TRAPPC6A: variants seen among roughly 807,000 people sequenced by gnomAD.
TRAPPC6A encodes the protein TRAPP complex subunit 6A.
TRAPPC6A carries 25 observed loss-of-function variants against 20.8 expected under a neutral mutation model. That is an observed-to-expected ratio of 1.20 (90% CI 0.88 to 1.68). The LOEUF (loss-of-function observed/expected upper bound fraction) is 1.68. Ranked by LOEUF, TRAPPC6A falls within the 40% of genes most tolerant of loss-of-function variation. The pLI is 0.00. For missense variants in TRAPPC6A, 215 were observed against 211.6 expected, an observed-to-expected ratio of 1.02 and a Z score of -0.10; for synonymous variants, 96 against 93.3, an observed-to-expected ratio of 1.03 and a Z score of -0.16.
chr19:45,163,859 C>A lies in TRAPPC6A; in HGVS notation c.448+57G>T. On this transcript the variant is annotated intron_variant, in intron 5 of 5. Coordinates refer to ENST00000585934, the MANE Select transcript of TRAPPC6A (RefSeq NM_001270891.2). The surrounding 1 kb of genome is among the most constrained non-coding windows in gnomAD (Gnocchi z 5.3). ...CACACACAGGAGTGGGGCTGGAACT[C>A]TGAAGCCCCCAGCAACTCAAGGGAT... 10 of 1,461,868 alleles carry A rather than the reference C, an allele frequency of 6.8e-6. No homozygotes were observed. Among genetic ancestry groups the A allele is most frequent in the Non-Finnish European group, 8.4e-6 (9 of 1,068,510 alleles). The allele number at this position is 1,461,868 out of a possible 1,614,324, so 90.6% of individuals were successfully genotyped here. A position where few individuals can be genotyped will look rare whatever the true frequency, so the allele number is the denominator to read the frequency against.
At chr19:45,165,851 G>A (rs979388452) in intron 1 of TRAPPC6A, among the ~76,000 whole-genome samples, 1 of 152,128 alleles carries the variant, frequency 6.6e-6, no homozygotes, top group Non-Finnish European at 1.5e-5. Context: ...GGCTGCACTC[G>A]GTGTCTGTCC....
rs1468726776 is a variant in TRAPPC6A, at chr19:45,172,323, G to A, written c.84+5812C>T. ...GCCTGAGTTCTAATTTTGCCTTTAA[G>A]AGAACATTCTGCCCTGAACTGGGAG... On this transcript the variant is annotated intron_variant, in intron 1 of 5. Transcript: ENST00000585934. This position sits in a 1 kb window ranked among gnomAD's most constrained non-coding sequence, Gnocchi z 4.2. Among the ~76,000 whole-genome samples the A allele has an allele frequency of 6.6e-6, 1 of 151,648 alleles. No individual in the cohort carries two copies. Among genetic ancestry groups the A allele is most frequent in the African/African-American group, 2.4e-5 (1 of 40,926 alleles).
At chr19:45,164,639 G>C (rs918044345) in intron 3 of TRAPPC6A, 6 of 602,694 alleles carry the variant, frequency 1.0e-5, no homozygotes, top group Non-Finnish European at 1.8e-5. Context: ...GCTCACTCCT[G>C]GTAGGCTGGA....
intron 1 of TRAPPC6A, among the ~76,000 whole-genome samples, chr19:45,174,980 T>A (rs80329953): frequency 7.6e-6 from 1 of 132,022 alleles, no homozygotes; most frequent in Admixed American, 7.5e-5. Flanking sequence ...AAAAAAAAAT[T>A]GCCAGGCGCG....
chr19:45,165,037 C>T (rs910881557), intron 2 of TRAPPC6A, 67 bp from the exon 3 acceptor site: 3 of 1,609,200 alleles, frequency 1.9e-6, no homozygotes, highest in Non-Finnish European at 2.6e-6. Context: ...ACAGGCCCGA[C>T]TCCTGCATGG....
At position 45,164,347 on chromosome 19, in the gene TRAPPC6A, G is replaced by A. The variant is rs1969094866; in HGVS notation, c.271-100C>T. Reference sequence around the variant, plus strand: ...CAGGTCTTAGATTGGGCTGAGGTTGGGAAGGCCCCCTTCCTGAGAACCACT... The same window carrying A: ...CAGGTCTTAGATTGGGCTGAGGTTGAGAAGGCCCCCTTCCTGAGAACCACT... On this transcript the variant is annotated intron_variant, in intron 3 of 5. Coordinates refer to ENST00000585934, the MANE Select transcript of TRAPPC6A (RefSeq NM_001270891.2). The A allele has an allele frequency of 9.0e-6, 7 of 780,088 alleles. 1 individual carries two copies. The South Asian group carries it at 1.3e-4, about 14-fold the overall frequency. 48.3% of individuals were successfully genotyped at this position (780,088 alleles called of 1,614,324 possible).
chr19:45,171,563 T>C (rs1396639870), intron 1 of TRAPPC6A, among the ~76,000 whole-genome samples: 1 of 151,934 alleles, frequency 6.6e-6, no homozygotes, highest in Non-Finnish European at 1.5e-5. Flanking sequence ...AATGAACAAA[T>C]ATGGTGGCCA....
At chr19:45,165,257 G>C (rs983058338) in intron 1 of TRAPPC6A, 63 bp from the exon 2 acceptor site, 5 of 1,501,164 alleles carry the variant, frequency 3.3e-6, no homozygotes, top group Admixed American at 2.0e-5. Flanking sequence ...GGCCACCCAG[G>C]GGGGGACCTG....
intron 1 of TRAPPC6A, among the ~76,000 whole-genome samples, chr19:45,176,829 C>T (rs1170695583): frequency 9.6e-5 from 14 of 145,790 alleles, no homozygotes; most frequent in African/African-American, 2.8e-4. Flanking sequence ...GTCAGGAGTT[C>T]GACACCAGCC....
In TRAPPC6A at chr19:45,163,328, G is replaced by T; in HGVS notation, c.449-105C>A. Reference sequence around the variant, plus strand: ...CCCCGTCCTGCACTGACACCCCAGTGGCTAGGTTGGGCTGTTTCCTCCCGC... The same window carrying T: ...CCCCGTCCTGCACTGACACCCCAGTTGCTAGGTTGGGCTGTTTCCTCCCGC... On this transcript the variant is annotated intron_variant, in intron 5 of 5. Transcript: ENST00000585934. This position sits in a 1 kb window ranked among gnomAD's most constrained non-coding sequence, Gnocchi z 5.3. The T allele has an allele frequency of 7.9e-7, 1 of 1,264,646 alleles. No individual in the cohort carries two copies. The highest frequency in any genetic ancestry group is 1.1e-6 in the Non-Finnish European group (1 of 886,152). 78.3% of individuals were successfully genotyped at this position (1,264,646 alleles called of 1,614,324 possible).
At position 45,163,353 on chromosome 19, in the gene TRAPPC6A, C is replaced by T; in HGVS notation, c.449-130G>A. On this transcript the variant is annotated intron_variant, in intron 5 of 5. Transcript: ENST00000585934. The surrounding 1 kb of genome is among the most constrained non-coding windows in gnomAD (Gnocchi z 5.3). Reference sequence around the variant, plus strand: ...GGCTAGGTTGGGCTGTTTCCTCCCGCCCACGGGGCCGCATCCCTGAGCTGT... The same window carrying T: ...GGCTAGGTTGGGCTGTTTCCTCCCGTCCACGGGGCCGCATCCCTGAGCTGT... The T allele has an allele frequency of 1.0e-6, 1 of 971,224 alleles. No homozygotes were observed. The highest frequency in any genetic ancestry group is 1.6e-6 in the Non-Finnish European group (1 of 636,440). 60.2% of individuals were successfully genotyped at this position (971,224 alleles called of 1,614,324 possible).
In TRAPPC6A at chr19:45,163,196, G is replaced by A; in HGVS notation, c.476C>T (p.Ser159Phe). The A allele has an allele frequency of 6.2e-7, 1 of 1,613,982 alleles. No individual in the cohort carries two copies. ...CTCAGCAGGTGCGAGGCAGGCTTAG[G>A]ATTTCGGAATCACCACCTGGAACTT... The part of the protein sequence containing the change: ...VCKFQVVIPK[S>F] Residue 159 changes from serine to phenylalanine, a missense_variant, in exon 6 of 6, where the codon TCC becomes TTC. By Grantham distance (155) the Ser-to-Phe change is radical (BLOSUM62 -2). Transcript: ENST00000585934. This position sits in a 1 kb window ranked among gnomAD's most constrained non-coding sequence, Gnocchi z 5.3.
At position 45,172,077 on chromosome 19, in the gene TRAPPC6A, C is replaced by T. The variant is rs1031313899; in HGVS notation, c.84+6058G>A. On this transcript the variant is annotated intron_variant, in intron 1 of 5. Transcript: ENST00000585934. The surrounding 1 kb of genome is among the most constrained non-coding windows in gnomAD (Gnocchi z 4.2). ...CAAAGGCCTTCCTGGCCCCTCTGGC[C>T]GGTCCTCCAGTTCACAACCTGTGAC... Among the ~76,000 whole-genome samples, 2 of 151,868 alleles carry T rather than the reference C, an allele frequency of 1.3e-5. No homozygotes were observed. Among genetic ancestry groups the T allele is most frequent in the Non-Finnish European group, 2.9e-5 (2 of 67,940 alleles).
chr19:45,166,369 C>T (rs962180875), intron 1 of TRAPPC6A, among the ~76,000 whole-genome samples: 1 of 151,544 alleles, frequency 6.6e-6, no homozygotes. Context: ...CCACCACACC[C>T]GGCTAATTTT....
intron 1 of TRAPPC6A, among the ~76,000 whole-genome samples, chr19:45,177,365 A>T (rs1969410271): frequency 6.6e-6 from 1 of 151,654 alleles, no homozygotes. Context: ...TTCCTGAGAC[A>T]AGTCTCGCTC....
Position 45,164,171 on chromosome 19 carries a change from G to C in TRAPPC6A, c.347C>G (p.Ala116Gly). 6.2e-7 allele frequency: 1 copy of C among 1,607,256 alleles called. No individual in the cohort carries two copies. Among genetic ancestry groups the C allele is most frequent in the Non-Finnish European group, 8.5e-7 (1 of 1,177,328 alleles). Residue 116 changes from alanine to glycine, a missense_variant, in exon 4 of 6, where the codon GCA (alanine) becomes GGA (glycine). By Grantham distance (60) the Ala-to-Gly change is moderately conservative. Transcript: ENST00000585934. Reference protein sequence around the residue: ...MASGLQYLEEAPKFLAFTCGL... With the variant: ...MASGLQYLEEGPKFLAFTCGL... ...CCCCAGCTCCCCCCATACCTTGGGT[G>C]CTTCCTCCAGATACTGCAGGCCAGA...
rs370815326 is a variant in TRAPPC6A at position 45,178,232 on chromosome 19, A to T, written c.-14T>A. On this transcript the variant is annotated 5_prime_UTR_variant, in exon 1 of 6. Coordinates refer to ENST00000585934, the MANE Select transcript of TRAPPC6A (RefSeq NM_001270891.2). The stretch of plus-strand genomic sequence containing the variant: ...AGTATCCGCCATGCCCCCTCCTCGC[A>T]CGCCTAAAGATGCGCCCAGCGCTTC... 1.5e-5 allele frequency: 23 copies of T among 1,580,102 alleles called. No individual in the cohort carries two copies. The highest frequency in any genetic ancestry group is 2.0e-5 in the Non-Finnish European group (23 of 1,158,812).
intron 1 of TRAPPC6A, among the ~76,000 whole-genome samples, chr19:45,166,533 C>A (rs1286533256): frequency 4.3e-5 from 5 of 116,370 alleles, no homozygotes; most frequent in Non-Finnish European, 9.4e-5. Context: ...TTTTTTTTTT[C>A]ATTCGGGTGT....
chr19:45,175,705 C>T (rs1037429098), intron 1 of TRAPPC6A, among the ~76,000 whole-genome samples: 3 of 151,926 alleles, frequency 2.0e-5, no homozygotes, highest in Admixed American at 1.3e-4. Flanking sequence ...GGAGGGGCCA[C>T]GTGAGAAAGG....
Sources: allele counts gnomAD v4.1 joint callset (sites outside exome capture counted in the v4.1 genomes callset), GRCh38; gene constraint gnomAD v4.1.1; non-coding constraint Gnocchi (gnomAD v3.1); transcripts MANE v1.5; gene names NCBI Gene and HGNC (gene_info 2026-07-23, HGNC 2026-07-21).